Variants in EPHA6 observed in about 807,000 individuals in gnomAD.
The protein encoded by EPHA6 is ephrin type-A receptor 6.
EPHA6 carries 50 observed loss-of-function variants against 112.0 expected under a neutral mutation model. The ratio of observed to expected loss-of-function variants is 0.45; its 90% CI spans 0.36 to 0.56. EPHA6 has a LOEUF of 0.56. EPHA6 is among the 20% of genes least tolerant of loss of function. The pLI is 0.00. For missense variants in EPHA6, 1,280 were observed against 1,417.4 expected, an observed-to-expected ratio of 0.90 and a Z score of 1.56; for synonymous variants, 529 against 490.7, an observed-to-expected ratio of 1.08 and a Z score of -1.03.
intron 2 of EPHA6, among the ~76,000 whole-genome samples, chr3:96,939,391 C>T (rs147567860): frequency 5.3e-5 from 8 of 152,224 alleles, no homozygotes; most frequent in Admixed American, 2.6e-4. Context: ...AGTTTATTTG[C>T]GTAGAGATGT....
At chr3:97,276,346 G>A (rs901837582) in intron 5 of EPHA6, among the ~76,000 whole-genome samples, 1 of 152,084 alleles carries the variant, frequency 6.6e-6, no homozygotes, top group Non-Finnish European at 1.5e-5. Flanking sequence ...TGAACAGTCC[G>A]ATTTTCAGTG....
chr3:97,039,695 T>C (rs2045246756), intron 3 of EPHA6, among the ~76,000 whole-genome samples: 1 of 152,072 alleles, frequency 6.6e-6, no homozygotes, highest in Non-Finnish European at 1.5e-5. Flanking sequence ...TGAATGTTTA[T>C]GTAAAATTTA....
chr3:97,345,931 A>G (rs2083509731), intron 5 of EPHA6, among the ~76,000 whole-genome samples: 1 of 152,158 alleles, frequency 6.6e-6, no homozygotes, highest in African/African-American at 2.4e-5. Context: ...GCATTATGAC[A>G]GCAGGTCATA....
intron 3 of EPHA6, among the ~76,000 whole-genome samples, chr3:97,131,823 G>GTC (rs1463508475): frequency 6.6e-6 from 1 of 152,092 alleles, no homozygotes; most frequent in Admixed American, 6.6e-5. Flanking sequence ...GTGTTTGGAT[G>GTC]TCTATACGTT....
At chr3:96,955,195 G>T (rs1431321378) in intron 2 of EPHA6, among the ~76,000 whole-genome samples, 2 of 152,066 alleles carry the variant, frequency 1.3e-5, no homozygotes, top group Non-Finnish European at 2.9e-5. Flanking sequence ...TAGAAATGCT[G>T]TATCAAAGAA....
rs924718061 is a variant in EPHA6 at position 97,548,142 on chromosome 3, C to T, written c.2386+15599C>T. 3.3e-5 allele frequency among the ~76,000 whole-genome samples: 5 copies of T among 152,186 alleles called. No individual in the cohort carries two copies. In the East Asian group the frequency reaches 5.8e-4, roughly 18 times the overall value. On this transcript the variant is annotated intron_variant, in intron 11 of 17. Coordinates refer to ENST00000389672, the MANE Select transcript of EPHA6 (RefSeq NM_001080448.3). ...CCTCAGTTGGAAATGCAAAATCACC[C>T]GTCTTCTGTGTGGCTCACACTGGGA...
intron 5 of EPHA6, among the ~76,000 whole-genome samples, chr3:97,308,456 T>C (rs2081414910): frequency 6.6e-6 from 1 of 151,766 alleles, no homozygotes; most frequent in Non-Finnish European, 1.5e-5. Flanking sequence ...AAATTAGTAC[T>C]ACTGAGTAAA....
At chr3:97,149,889 TA>T (rs1348599408) in intron 3 of EPHA6, among the ~76,000 whole-genome samples, 4 of 150,144 alleles carry the variant, frequency 2.7e-5, no homozygotes, top group South Asian at 2.1e-4. Context: ...ATAATATATA[TA>T]AAAAACAGAT....
At chr3:97,468,205 T>A (rs1416956141) in intron 7 of EPHA6, among the ~76,000 whole-genome samples, 2 of 151,300 alleles carry the variant, frequency 1.3e-5, no homozygotes, top group East Asian at 1.9e-4. Flanking sequence ...ATCCATGAGG[T>A]TTGTTTCCAT....
chr3:97,110,852 A>G (rs1440926544), intron 3 of EPHA6, among the ~76,000 whole-genome samples: 1 of 152,130 alleles, frequency 6.6e-6, no homozygotes, highest in East Asian at 1.9e-4. Flanking sequence ...AAAAGGAAAA[A>G]CTTGGAATTC....
intron 1 of EPHA6, among the ~76,000 whole-genome samples, chr3:96,828,086 AT>A (rs2033784278): frequency 6.6e-6 from 1 of 152,136 alleles, no homozygotes; most frequent in African/African-American, 2.4e-5. Context: ...AAAAATAAGC[AT>A]ATAGAAGAGA....
chr3:96,946,861 ACCATTCCAATTGGTG>A (rs1026235521), intron 2 of EPHA6, among the ~76,000 whole-genome samples: 19 of 152,154 alleles, frequency 1.2e-4, no homozygotes, highest in Admixed American at 1.2e-3. Flanking sequence ...TTTAATGATC[ACCATTCCAATTGGTG>A]TGAAGTGATA....
At chr3:97,504,759 C>T (rs1275978620) in intron 10 of EPHA6, among the ~76,000 whole-genome samples, 1 of 152,144 alleles carries the variant, frequency 6.6e-6, no homozygotes, top group Non-Finnish European at 1.5e-5. Flanking sequence ...ATTTCCTAAG[C>T]ACAAAGTTTA....
rs938501966 is a variant in EPHA6 at position 97,324,020 on chromosome 3, G to A, written c.1606+79733G>A. The stretch of plus-strand genomic sequence containing the variant: ...TGCAGCTTCTGTTGACTGAGTGACC[G>A]TCCATAGCAAGCACAGAACCACAGG... On this transcript the variant is annotated intron_variant, in intron 5 of 17. Coordinates refer to ENST00000389672, the MANE Select transcript of EPHA6 (RefSeq NM_001080448.3). 7.9e-5 allele frequency among the ~76,000 whole-genome samples: 12 copies of A among 151,770 alleles called. No homozygotes were observed. The South Asian group carries it at 8.3e-4, about 11-fold the overall frequency.
At chr3:97,538,987 CTTTCTTTCTT>C (rs2092801880) in intron 11 of EPHA6, among the ~76,000 whole-genome samples, 2 of 130,592 alleles carry the variant, frequency 1.5e-5, no homozygotes, top group African/African-American at 3.3e-5. Flanking sequence ...CTCTCTCTTT[CTTTCTTTCTT>C]TCTTTCTTTC....
At chr3:97,418,617 T>G (rs980316185) in intron 6 of EPHA6, among the ~76,000 whole-genome samples, 3 of 152,068 alleles carry the variant, frequency 2.0e-5, no homozygotes, top group Non-Finnish European at 4.4e-5. Context: ...GGGTAAAATA[T>G]TGGTGTTTAG....
intron 11 of EPHA6, among the ~76,000 whole-genome samples, chr3:97,543,697 T>G (rs955463601): frequency 1.2e-4 from 19 of 152,130 alleles, no homozygotes; most frequent in African/African-American, 3.9e-4. Flanking sequence ...GTATGGCCAT[T>G]TTCACGATAT....
chr3:97,429,357 C>A (rs2089356724), intron 6 of EPHA6, among the ~76,000 whole-genome samples: 1 of 151,736 alleles, frequency 6.6e-6, no homozygotes, highest in African/African-American at 2.4e-5. Flanking sequence ...AAAATTAATC[C>A]CCGGTGGCAG....
intron 3 of EPHA6, among the ~76,000 whole-genome samples, chr3:96,997,076 G>T (rs531399312): frequency 1.3e-5 from 2 of 152,118 alleles, no homozygotes; most frequent in South Asian, 2.1e-4. Context: ...TAAACCTTGT[G>T]AACCAACTGC....
Sources: allele counts gnomAD v4.1 joint callset (sites outside exome capture counted in the v4.1 genomes callset), GRCh38; gene constraint gnomAD v4.1.1; transcripts MANE v1.5; gene names NCBI Gene and HGNC (gene_info 2026-07-23, HGNC 2026-07-21).